Variants in WWOX observed in about 807,000 individuals in gnomAD.
The protein encoded by WWOX is WW domain containing oxidoreductase, also known as WW domain-containing oxidoreductase.
A neutral mutation model predicts 46.2 loss-of-function variants in WWOX; 69 were observed. That is an observed-to-expected ratio of 1.49 (90% confidence interval 1.23 to 1.82). WWOX has a LOEUF of 1.82. WWOX is among the 40% of genes most tolerant of loss of function. The pLI, the probability that WWOX is intolerant of heterozygous loss-of-function variation, is 0.00. For synonymous variants in WWOX, 359 were observed against 202.6 expected, an observed-to-expected ratio of 1.77 and a Z score of -6.56; for missense variants, 919 against 542.6, an observed-to-expected ratio of 1.69 and a Z score of -6.89.
chr16:79,188,025 A>T (rs1484187799), intron 8 of WWOX, among the ~76,000 whole-genome samples: 1 of 152,178 alleles, frequency 6.6e-6, no homozygotes, highest in Non-Finnish European at 1.5e-5. Context: ...TCAAACACAA[A>T]TTCCTTCTCC....
intron 8 of WWOX, among the ~76,000 whole-genome samples, chr16:78,514,896 T>C (rs376303397): frequency 9.9e-5 from 15 of 152,270 alleles, no homozygotes; most frequent in African/African-American, 3.1e-4. Context: ...AAGTTTCATA[T>C]ATCAGGTAGC....
chr16:79,025,757 C>T (rs552446379), intron 8 of WWOX, among the ~76,000 whole-genome samples: 1 of 150,668 alleles, frequency 6.6e-6, no homozygotes, highest in African/African-American at 2.4e-5. Context: ...TCCTTTCATC[C>T]TTCATCTCCC....
chr16:78,135,640 A>G (rs889554811), intron 4 of WWOX, among the ~76,000 whole-genome samples: 1 of 152,114 alleles, frequency 6.6e-6, no homozygotes, highest in Non-Finnish European at 1.5e-5. Flanking sequence ...TAAATTTTTC[A>G]ATTACCAATA....
At chr16:78,826,087 C>G in intron 8 of WWOX, 4 of 345,004 alleles carry the variant, frequency 1.2e-5, no homozygotes, top group Non-Finnish European at 2.1e-5. Flanking sequence ...CAAAGACAAC[C>G]GGGAATGCCT....
chr16:78,692,951 A>T (rs2048024332), intron 8 of WWOX, among the ~76,000 whole-genome samples: 1 of 152,226 alleles, frequency 6.6e-6, no homozygotes, highest in Admixed American at 6.5e-5. Context: ...TTGAGTTATT[A>T]AACACCCTTC....
At chr16:79,151,950 C>T (rs2050287662) in intron 8 of WWOX, among the ~76,000 whole-genome samples, 1 of 152,134 alleles carries the variant, frequency 6.6e-6, no homozygotes, top group South Asian at 2.1e-4. Flanking sequence ...GATATCTGGG[C>T]TCTGAGTCTT....
At chr16:78,828,603 A>G (rs565100750) in intron 8 of WWOX, among the ~76,000 whole-genome samples, 1 of 152,190 alleles carries the variant, frequency 6.6e-6, no homozygotes, top group East Asian at 1.9e-4. Flanking sequence ...ATTCTATCGG[A>G]CACATGTCCT....
intron 6 of WWOX, among the ~76,000 whole-genome samples, chr16:78,397,056 G>T (rs565196352): frequency 1.8e-4 from 28 of 152,278 alleles, no homozygotes; most frequent in African/African-American, 6.3e-4. Flanking sequence ...TCTGGTCAAG[G>T]TAAATAAGTG....
intron 8 of WWOX, among the ~76,000 whole-genome samples, chr16:78,655,953 C>G (rs534658668): frequency 6.6e-6 from 1 of 152,048 alleles, no homozygotes; most frequent in Non-Finnish European, 1.5e-5. Context: ...CAATGCACAG[C>G]CTGGGGAGAA....
In WWOX at chr16:78,759,793, G is replaced by A. The variant is rs192969156; in HGVS notation, c.1056+327041G>A. Among the ~76,000 whole-genome samples the A allele has an allele frequency of 1.4e-3, 220 of 152,244 alleles. 1 individual carries two copies. The highest frequency in any genetic ancestry group is 4.6e-3 in the South Asian group (22 of 4,828). On this transcript the variant is annotated intron_variant, in intron 8 of 8. Coordinates refer to ENST00000566780, the MANE Select transcript of WWOX (RefSeq NM_016373.4). ...CTTATCTTACAGTTCTGAAGGTTTC[G>A]CTCCAGAGTGAGTTTTATGGAGTGA... is the stretch of plus-strand genomic sequence containing the variant.
intron 8 of WWOX, among the ~76,000 whole-genome samples, chr16:78,997,797 G>A (rs1188425856): frequency 6.6e-6 from 1 of 152,170 alleles, no homozygotes; most frequent in African/African-American, 2.4e-5. Context: ...ATGGGGACCG[G>A]AATAGATTTT....
rs532857050 is a variant in WWOX, at chr16:79,212,099, C to A, written c.*303C>A. 1.2e-4 allele frequency: 178 copies of A among 1,536,012 alleles called. No homozygotes were observed. In the African/African-American group the frequency reaches 2.0e-3, roughly 17 times the overall value. ...CCGTATCTCCCTGGAGAAGCACCAGCAATTCTCTTTCTTTTACTGTTATAG... is the reference window on the plus strand; with the variant it reads ...CCGTATCTCCCTGGAGAAGCACCAGAAATTCTCTTTCTTTTACTGTTATAG... On this transcript the variant is annotated 3_prime_UTR_variant, in exon 9 of 9. Transcript: ENST00000566780.
intron 8 of WWOX, chr16:78,892,021 C>T (rs1277741891): frequency 6.6e-6 from 1 of 152,058 alleles, no homozygotes; most frequent in Non-Finnish European, 1.5e-5. Context: ...TTTAAAACTC[C>T]AGGCCTATAA....
intron 8 of WWOX, among the ~76,000 whole-genome samples, chr16:78,504,777 T>G (rs139563267): frequency 2.6e-4 from 40 of 152,204 alleles, no homozygotes; most frequent in South Asian, 1.0e-3. Flanking sequence ...CCTCCCCGTT[T>G]ACATGCCAAA....
At chr16:78,815,865 T>C (rs1321667432) in intron 8 of WWOX, among the ~76,000 whole-genome samples, 1 of 152,148 alleles carries the variant, frequency 6.6e-6, no homozygotes, top group Non-Finnish European at 1.5e-5. Context: ...TGCCCAAATA[T>C]AAACTTGAGA....
chr16:79,209,472 A>G (rs1471475701), intron 8 of WWOX, among the ~76,000 whole-genome samples: 1 of 152,204 alleles, frequency 6.6e-6, no homozygotes, highest in Non-Finnish European at 1.5e-5. Context: ...CCAGTCTGTC[A>G]TGACGTTTGA....
chr16:78,453,867 C>T (rs915253239), intron 8 of WWOX, among the ~76,000 whole-genome samples: 2 of 152,014 alleles, frequency 1.3e-5, no homozygotes, highest in Non-Finnish European at 2.9e-5. Flanking sequence ...TTTCATGTAT[C>T]TGTTTTCTGT....
chr16:78,538,344 G>A (rs891915597), intron 8 of WWOX, among the ~76,000 whole-genome samples: 1 of 151,768 alleles, frequency 6.6e-6, no homozygotes, highest in African/African-American at 2.4e-5. Flanking sequence ...ACGGCTGCCA[G>A]CGCTCTATAC....
chr16:78,424,621 C>G (rs537736718), intron 6 of WWOX, among the ~76,000 whole-genome samples: 1 of 152,190 alleles, frequency 6.6e-6, no homozygotes, highest in Non-Finnish European at 1.5e-5. Flanking sequence ...AGTTCCGTAT[C>G]CTAATAAGCC....
Sources: gnomAD v4.1 joint callset for allele counts (sites outside exome capture counted in the v4.1 genomes callset) on GRCh38, gnomAD v4.1.1 for gene constraint, MANE v1.5 for transcripts, NCBI Gene and HGNC (gene_info 2026-07-23, HGNC 2026-07-21) for gene names.